Variants in RLN2 observed in about 807,000 individuals in gnomAD.
RLN2 encodes prorelaxin H2.
A neutral mutation model predicts 7.3 loss-of-function variants in RLN2; 10 were observed. The ratio of observed to expected loss-of-function variants is 1.36; its 90% CI spans 0.84 to 2.31. The LOEUF is 2.31. Among genes scored for constraint, RLN2 ranks in the 30% most tolerant of loss-of-function variants. The pLI, the probability that RLN2 is intolerant of heterozygous loss-of-function variation, is 0.00. For missense variants in RLN2, 298 were observed against 217.6 expected (o/e 1.37, Z -2.32); for synonymous variants, 103 against 82.3 (o/e 1.25, Z -1.36).
At chr9:5,325,942 T>C in the RLN2 span, among the ~76,000 whole-genome samples, 1 of 152,098 alleles carries the variant, frequency 6.6e-6, no homozygotes, top group Non-Finnish European at 1.5e-5. Context: ...TGTAACACAC[T>C]GGAAAGTTCT....
chr9:5,322,391 A>C, the RLN2 span, among the ~76,000 whole-genome samples: 1 of 152,006 alleles, frequency 6.6e-6, no homozygotes, highest in African/African-American at 2.4e-5. Context: ...ACAGATGAAA[A>C]GTATTTAATA....
At chr9:5,332,055 G>C in the RLN2 span, among the ~76,000 whole-genome samples, 1 of 151,854 alleles carries the variant, frequency 6.6e-6, no homozygotes, top group Non-Finnish European at 1.5e-5. Flanking sequence ...TATTATAAGA[G>C]ATAGGATAAA....
chr9:5,331,425 C>T, the RLN2 span, among the ~76,000 whole-genome samples: 1 of 151,892 alleles, frequency 6.6e-6, no homozygotes, highest in Non-Finnish European at 1.5e-5. Context: ...CCCAAATGTC[C>T]ATCAATGATA....
chr9:5,334,229 G>A, the RLN2 span, among the ~76,000 whole-genome samples: 1 of 152,006 alleles, frequency 6.6e-6, no homozygotes, highest in Non-Finnish European at 1.5e-5. Context: ...GTCAAATTGT[G>A]TTTGTTTGCA....
At chr9:5,334,752 C>A in the RLN2 span, among the ~76,000 whole-genome samples, 10 of 152,030 alleles carry the variant, frequency 6.6e-5, no homozygotes, top group African/African-American at 2.4e-4. Context: ...AAAAAAAATA[C>A]TTGAGTTTAC....
the RLN2 span, among the ~76,000 whole-genome samples, chr9:5,318,383 A>G: frequency 5.1e-4 from 78 of 151,942 alleles, 2 homozygotes; most frequent in African/African-American, 1.8e-3. Context: ...TCTATTTCCT[A>G]CACCTCTTGG....
the RLN2 span, chr9:5,335,434 G>T: frequency 6.2e-7 from 1 of 1,613,672 alleles, no homozygotes; most frequent in Non-Finnish European, 8.5e-7. Context: ...ATTCTTCAAA[G>T]CTAAGATTGG....
At chr9:5,328,839 A>C in the RLN2 span, among the ~76,000 whole-genome samples, 1 of 152,038 alleles carries the variant, frequency 6.6e-6, no homozygotes, top group African/African-American at 2.4e-5. Flanking sequence ...ACTAAGCTTC[A>C]TAAGTGAAGG....
At chr9:5,316,116 AAAAG>A in the RLN2 span, among the ~76,000 whole-genome samples, 1 of 152,058 alleles carries the variant, frequency 6.6e-6, no homozygotes, top group Non-Finnish European at 1.5e-5. Context: ...GTTAAAAACC[AAAAG>A]AGTCAAAAAT....
At chr9:5,313,976 A>G in the RLN2 span, among the ~76,000 whole-genome samples, 2 of 151,930 alleles carry the variant, frequency 1.3e-5, no homozygotes, top group East Asian at 3.9e-4. Context: ...TTCTCCTTGC[A>G]GGGAAAAGGT....
chr9:5,338,110 T>A, the RLN2 span, among the ~76,000 whole-genome samples: 1 of 137,856 alleles, frequency 7.3e-6, no homozygotes, highest in East Asian at 2.1e-4. Flanking sequence ...AATTCACATA[T>A]ACTTTTCAAA....
At chr9:5,314,542 G>A in the RLN2 span, among the ~76,000 whole-genome samples, 1 of 152,008 alleles carries the variant, frequency 6.6e-6, no homozygotes, top group Non-Finnish European at 1.5e-5. Context: ...GGGATGAGAT[G>A]ACATGGTATT....
the RLN2 span, among the ~76,000 whole-genome samples, chr9:5,328,743 C>T: frequency 1.9e-4 from 26 of 139,452 alleles, 1 homozygote; most frequent in East Asian, 2.3e-3. Context: ...CAGAGGAGAG[C>T]GGGGGCCAAT....
intron 1 of RLN2, among the ~76,000 whole-genome samples, chr9:5,301,760 T>C (rs1816144870): frequency 6.6e-6 from 1 of 151,972 alleles, no homozygotes; most frequent in African/African-American, 2.4e-5. Flanking sequence ...ATTTCCTGAG[T>C]TTTCTGGCAA....
chr9:5,333,503 G>A, the RLN2 span, among the ~76,000 whole-genome samples: 4 of 151,958 alleles, frequency 2.6e-5, no homozygotes, highest in Non-Finnish European at 5.9e-5. Flanking sequence ...TAGACAATGA[G>A]TTCTGAAATT....
At chr9:5,319,446 GT>G in the RLN2 span, among the ~76,000 whole-genome samples, 3 of 151,746 alleles carry the variant, frequency 2.0e-5, no homozygotes, top group Non-Finnish European at 2.9e-5. Context: ...TTTATGAGAA[GT>G]TTTTTTTAAT....
the RLN2 span, among the ~76,000 whole-genome samples, chr9:5,325,285 C>T: frequency 0.026 from 3,920 of 151,646 alleles, 223 homozygotes; most frequent in African/African-American, 0.091. Flanking sequence ...TACTGGAAGT[C>T]CATCAAAGAC....
upstream of RLN2, among the ~76,000 whole-genome samples, chr9:5,309,589 C>T (rs1237355955): frequency 6.6e-6 from 1 of 152,012 alleles, no homozygotes; most frequent in East Asian, 1.9e-4. Context: ...TGCTTATTTT[C>T]TTTTCAAAAG....
the RLN2 span, among the ~76,000 whole-genome samples, chr9:5,321,077 C>A: frequency 6.6e-6 from 1 of 152,220 alleles, no homozygotes; most frequent in African/African-American, 2.4e-5. Context: ...TAAGACTATT[C>A]TTCTACTAAA....
Sources: gnomAD v4.1 joint callset for allele counts (sites outside exome capture counted in the v4.1 genomes callset) on GRCh38, gnomAD v4.1.1 for gene constraint, MANE v1.5 for transcripts, NCBI Gene and HGNC (gene_info 2026-07-23, HGNC 2026-07-21) for gene names.